Variants in GJB6 observed in about 807,000 individuals in gnomAD.
The protein encoded by GJB6 is gap junction beta-6 protein.
Under a neutral mutation model 5.4 loss-of-function variants are expected in GJB6, and 5 were observed. The observed-to-expected ratio is 0.92, with a 90% confidence interval of 0.48 to 1.93. The LOEUF (loss-of-function observed/expected upper bound fraction) is 1.93, where lower values mean the gene tolerates loss of function less well. Ranked by LOEUF, GJB6 falls within the 30% of genes most tolerant of loss-of-function variation. GJB6 has a pLI of 0.01. For missense variants in GJB6, 298 were observed against 326.9 expected (o/e 0.91, Z 0.68); for synonymous variants, 136 against 129.6 (o/e 1.05, Z -0.34).
In GJB6 at chr13:20,222,070, A is replaced by T. The variant is rs545121504; in HGVS notation, c.*625T>A. On this transcript the variant is annotated 3_prime_UTR_variant, in exon 5 of 5. Coordinates refer to ENST00000647029, the MANE Select transcript of GJB6 (RefSeq NM_001110219.3). ...AGTTAAAAAAGCCTTCTGCTTCCAC[A>T]CTGTTCCGTCTACATTCAGAAAGCA... is the stretch of plus-strand genomic sequence containing the variant. 10 of 153,154 alleles carry T rather than the reference A, an allele frequency of 6.5e-5. No homozygotes were observed. Among genetic ancestry groups the T allele is most frequent in the African/African-American group, 2.2e-4 (9 of 41,572 alleles). The allele number at this position is 153,154 out of a possible 1,614,324, so 9.5% of individuals were successfully genotyped here.
Position 20,223,441 on chromosome 13 carries a change from T to C in GJB6, c.40A>G (p.Asn14Asp), listed in dbSNP as rs1257563596. 2 of 1,614,058 alleles carry C rather than the reference T, an allele frequency of 1.2e-6. No homozygotes were observed. Among genetic ancestry groups the C allele is most frequent in the Non-Finnish European group, 1.7e-6 (2 of 1,180,012 alleles). Residue 14 changes from asparagine to aspartate, a missense_variant, in exon 5 of 5, where the codon AAC (asparagine) becomes GAC (aspartate). Physicochemically the swap from Asn to Asp is conservative, Grantham distance 23 (BLOSUM62 1). Transcript: ENST00000647029. Reference protein sequence around the residue: ...GTLHTFIGGVNKHSTSIGKVW... With the variant: ...GTLHTFIGGVDKHSTSIGKVW... ...TTCCCGATGCTGGTGGAGTGTTTGT[T>C]GACACCCCCGATGAAAGTGTGCAGC...
At chr13:20,226,821 A>G (rs1869611236) in intron 4 of GJB6, among the ~76,000 whole-genome samples, 2 of 152,234 alleles carry the variant, frequency 1.3e-5, no homozygotes, top group African/African-American at 4.8e-5. Context: ...AGTTTGATTT[A>G]TCAAAAAATG....
chr13:20,224,279 A>C (rs1191893358), intron 4 of GJB6, among the ~76,000 whole-genome samples: 1 of 152,236 alleles, frequency 6.6e-6, no homozygotes, highest in Admixed American at 6.5e-5. Flanking sequence ...AAGAAGGGAA[A>C]AAACAAAATA....
intron 4 of GJB6, among the ~76,000 whole-genome samples, chr13:20,228,759 C>G (rs949543578): frequency 6.6e-6 from 1 of 151,982 alleles, no homozygotes; most frequent in East Asian, 1.9e-4. Flanking sequence ...GCTGGGATTA[C>G]AAGCATGAGC....
chr13:20,224,691 G>C (rs184190484), intron 4 of GJB6, among the ~76,000 whole-genome samples: 163 of 152,232 alleles, frequency 1.1e-3, no homozygotes, highest in African/African-American at 3.8e-3. Context: ...CTATAGAATT[G>C]GTCAGCATTC....
intron 4 of GJB6, among the ~76,000 whole-genome samples, chr13:20,228,657 T>C (rs1000546320): frequency 4.6e-5 from 7 of 151,110 alleles, no homozygotes; most frequent in African/African-American, 1.5e-4. Flanking sequence ...GCTAATTTTT[T>C]GTATTTTTAG....
chr13:20,229,315 A>ATTTTTTTT (rs60451416), intron 4 of GJB6, among the ~76,000 whole-genome samples: 1 of 55,296 alleles, frequency 1.8e-5, no homozygotes, highest in Non-Finnish European at 3.5e-5. Context: ...TACCTGGTTA[A>ATTTTTTTT]TTTTTTTTTT....
chr13:20,228,680 T>G (rs1442817240), intron 4 of GJB6, among the ~76,000 whole-genome samples: 2 of 96,050 alleles, frequency 2.1e-5, no homozygotes, highest in African/African-American at 2.8e-5. Flanking sequence ...GAGACGGGGT[T>G]TCACCGTGTT....
rs781689203 is a variant in GJB6, at chr13:20,222,745, C to T, written c.736G>A (p.Glu246Lys). ...TTTTGACCACTATCTGAAATCAGCT[C>T]ATTCATTTCATTCTGCTTACTCTCC... ...LKESKQNEMN[E>K]LISDSGQNAI... The change falls in exon 5 of 5, where the codon GAG (glutamate) becomes AAG (lysine). Residue 246 changes from glutamate to lysine, a missense_variant. Transcript: ENST00000647029. The T allele has an allele frequency of 1.5e-5, 25 of 1,614,096 alleles. No individual in the cohort carries two copies. In the South Asian group the frequency reaches 2.2e-4, roughly 14 times the overall value.
intron 4 of GJB6, among the ~76,000 whole-genome samples, chr13:20,227,672 G>A (rs904037576): frequency 1.3e-5 from 2 of 152,184 alleles, no homozygotes; most frequent in Non-Finnish European, 2.9e-5. Flanking sequence ...TCTGCCGTGC[G>A]TATCATTCTC....
intron 4 of GJB6, among the ~76,000 whole-genome samples, chr13:20,228,505 A>C (rs1869762922): frequency 6.8e-6 from 1 of 147,074 alleles, no homozygotes; most frequent in Non-Finnish European, 1.5e-5. Context: ...TTTTTTTGAG[A>C]TGGAGTCTAG....
intron 4 of GJB6, among the ~76,000 whole-genome samples, chr13:20,224,101 A>G (rs877098): frequency 0.56 from 85,806 of 151,966 alleles, 24,470 homozygotes; most frequent in Admixed American, 0.67. Flanking sequence ...ACAGGTAAAC[A>G]AATTCATTTC....
intron 4 of GJB6, among the ~76,000 whole-genome samples, chr13:20,227,313 C>T (rs1464412887): frequency 6.6e-6 from 1 of 152,148 alleles, no homozygotes; most frequent in African/African-American, 2.4e-5. Flanking sequence ...AATTGGCAAT[C>T]CACCTATGCC....
At chr13:20,224,839 T>G (rs1869465732) in intron 4 of GJB6, among the ~76,000 whole-genome samples, 2 of 152,218 alleles carry the variant, frequency 1.3e-5, no homozygotes, top group South Asian at 4.1e-4. Context: ...AGTCCTTCTC[T>G]TCACCGGTCT....
intron 4 of GJB6, among the ~76,000 whole-genome samples, chr13:20,228,716 C>T (rs12870715): frequency 0.19 from 28,965 of 150,750 alleles, 3,023 homozygotes; most frequent in Non-Finnish European, 0.21. Flanking sequence ...GATCTCCTGA[C>T]CTCATGATCC....
Position 20,222,681 on chromosome 13 carries a change from T to A in GJB6, c.*14A>T. On this transcript the variant is annotated 3_prime_UTR_variant, in exon 5 of 5. Transcript: ENST00000647029. ...AGTCTCCTTATGACGCAGCTACATT[T>A]TACCTTGAAATGTTTAGCTTGGGAA... 1.2e-6 allele frequency: 2 copies of A among 1,612,792 alleles called. No homozygotes were observed. Among genetic ancestry groups the A allele is most frequent in the Non-Finnish European group, 1.7e-6 (2 of 1,178,710 alleles).
intron 4 of GJB6, among the ~76,000 whole-genome samples, chr13:20,228,487 TTTTTTG>T (rs1566541796): frequency 3.7e-4 from 31 of 83,000 alleles, no homozygotes; most frequent in African/African-American, 2.6e-3. Flanking sequence ...TTTGTTTTTG[TTTTTTG>T]TTTTTTTTGA....
At chr13:20,225,261 A>G (rs1869500476) in intron 4 of GJB6, 1 of 152,238 alleles carries the variant, frequency 6.6e-6, no homozygotes, top group Non-Finnish European at 1.5e-5. Context: ...CAGTCCTCAT[A>G]TAAGTAGAAA....
rs556168075 is a variant in GJB6 at position 20,222,758 on chromosome 13, C to T, written c.723G>A (p.Gln241=). ...CTGAAATCAGCTCATTCATTTCATT[C>T]TGCTTACTCTCCTTTAGGGCATGAT... The part of the protein sequence containing the change: ...HPNHALKESK[Q]NEMNELISDS... Residue 241 remains glutamine (Q), a synonymous_variant, in exon 5 of 5, where the codon CAG becomes CAA. Transcript: ENST00000647029. 1.1e-4 allele frequency: 175 copies of T among 1,614,098 alleles called. 3 individuals carry two copies. The South Asian group carries it at 1.8e-3, about 17-fold the overall frequency.
Sources: allele counts gnomAD v4.1 joint callset (sites outside exome capture counted in the v4.1 genomes callset), GRCh38; gene constraint gnomAD v4.1.1; transcripts MANE v1.5; gene names NCBI Gene and HGNC (gene_info 2026-07-23, HGNC 2026-07-21).